Variants in TMEM108 observed in about 807,000 individuals in gnomAD.
The protein encoded by TMEM108 is transmembrane protein 108.
TMEM108 carries 12 observed loss-of-function variants against 35.1 expected under a neutral mutation model. The observed-to-expected ratio is 0.34, with a 90% confidence interval of 0.22 to 0.55. The LOEUF is 0.55. Ranked by LOEUF, TMEM108 falls within the 20% of genes least tolerant of loss-of-function variation. The probability of loss-of-function intolerance (pLI) is 0.89; values close to 1 mark genes in which losing one functional copy is unlikely to be tolerated. For missense variants in TMEM108, 680 were observed against 753.3 expected (o/e 0.90, Z 1.14); for synonymous variants, 287 against 308.6 (o/e 0.93, Z 0.73).
intron 3 of TMEM108, among the ~76,000 whole-genome samples, chr3:133,313,153 A>G (rs532644567): frequency 6.6e-6 from 1 of 152,092 alleles, no homozygotes; most frequent in Non-Finnish European, 1.5e-5. Flanking sequence ...CAGTTTTGAA[A>G]ATACATTTTC....
At chr3:133,345,084 A>G (rs560870579) in intron 3 of TMEM108, among the ~76,000 whole-genome samples, 1 of 151,886 alleles carries the variant, frequency 6.6e-6, no homozygotes, top group Non-Finnish European at 1.5e-5. Flanking sequence ...TATACAGCTC[A>G]TGTAACCGAG....
intron 3 of TMEM108, among the ~76,000 whole-genome samples, chr3:133,311,586 G>A (rs544400401): frequency 1.1e-4 from 17 of 152,170 alleles, no homozygotes; most frequent in Admixed American, 3.3e-4. Flanking sequence ...TCTTCTCTAC[G>A]CTGTTTATTC....
At chr3:133,211,032 C>T (rs370493925) in intron 2 of TMEM108, among the ~76,000 whole-genome samples, 7 of 152,086 alleles carry the variant, frequency 4.6e-5, no homozygotes, top group African/African-American at 1.4e-4. Context: ...GGGAATGAGG[C>T]CCCAGAAAAG....
At chr3:133,107,715 A>C (rs1252502640) in intron 2 of TMEM108, among the ~76,000 whole-genome samples, 1 of 152,146 alleles carries the variant, frequency 6.6e-6, no homozygotes, top group Non-Finnish European at 1.5e-5. Flanking sequence ...ACACATCCTG[A>C]GTCTCTGAGA....
At chr3:133,111,116 A>T (rs1944219061) in intron 2 of TMEM108, among the ~76,000 whole-genome samples, 1 of 152,128 alleles carries the variant, frequency 6.6e-6, no homozygotes, top group South Asian at 2.1e-4. Flanking sequence ...GACAACCAAG[A>T]TTGTGTCTGA....
intron 2 of TMEM108, among the ~76,000 whole-genome samples, chr3:133,207,691 A>G (rs887779722): frequency 2.0e-5 from 3 of 152,162 alleles, no homozygotes; most frequent in African/African-American, 7.2e-5. Flanking sequence ...ATTCATTGCA[A>G]TTAAATTGTT....
chr3:133,341,454 C>G (rs1418254101), intron 3 of TMEM108, among the ~76,000 whole-genome samples: 3 of 151,650 alleles, frequency 2.0e-5, no homozygotes, highest in Non-Finnish European at 4.4e-5. Flanking sequence ...TGTTAAAATG[C>G]CCTTACTACC....
At chr3:133,347,185 T>C (rs72980009) in intron 3 of TMEM108, among the ~76,000 whole-genome samples, 23 of 152,244 alleles carry the variant, frequency 1.5e-4, no homozygotes, top group African/African-American at 4.8e-4. Flanking sequence ...TGCTTTGGGA[T>C]TTTTATTGAG....
In TMEM108 at chr3:133,301,864, T is replaced by C. The variant is rs974325669; in HGVS notation, c.40+72513T>C. On this transcript the variant is annotated intron_variant, in intron 3 of 5. Coordinates refer to ENST00000321871, the MANE Select transcript of TMEM108 (RefSeq NM_023943.4). ...CACTCTTCCTTGTTGCCATTTCCTGTCTTGATTTGCATATAGAGTGGGTGC... is the reference window on the plus strand; with the variant it reads ...CACTCTTCCTTGTTGCCATTTCCTGCCTTGATTTGCATATAGAGTGGGTGC... Among the ~76,000 whole-genome samples the C allele has an allele frequency of 2.6e-5, 4 of 152,180 alleles. No homozygotes were observed. The South Asian group carries it at 8.3e-4, about 32-fold the overall frequency.
chr3:133,170,232 A>G (rs1483242408), intron 2 of TMEM108, among the ~76,000 whole-genome samples: 2 of 152,192 alleles, frequency 1.3e-5, no homozygotes, highest in African/African-American at 4.8e-5. Context: ...TTATAGAAAA[A>G]CTAATATTCC....
chr3:133,054,501 A>G (rs181961859), intron 2 of TMEM108, among the ~76,000 whole-genome samples: 2 of 152,340 alleles, frequency 1.3e-5, no homozygotes, highest in African/African-American at 4.8e-5. Flanking sequence ...CTGGGTTTGT[A>G]AGACTCCAGT....
At chr3:133,284,266 A>G (rs967070274) in intron 3 of TMEM108, among the ~76,000 whole-genome samples, 1 of 152,218 alleles carries the variant, frequency 6.6e-6, no homozygotes, top group Admixed American at 6.5e-5. Context: ...AGTCTCTGTC[A>G]GAGAGGTGGA....
intron 1 of TMEM108, among the ~76,000 whole-genome samples, chr3:133,039,029 C>T (rs1030440680): frequency 5.9e-5 from 9 of 152,184 alleles, no homozygotes; most frequent in East Asian, 5.8e-4. Flanking sequence ...GTTTTCACCC[C>T]AGAGTTGCAG....
chr3:133,057,895 G>T (rs190731117), intron 2 of TMEM108, among the ~76,000 whole-genome samples: 34 of 152,266 alleles, frequency 2.2e-4, no homozygotes, highest in Non-Finnish European at 3.5e-4. Context: ...CTGTGTTTGA[G>T]TGAATTTTAG....
chr3:133,300,920 A>G (rs1947213176), intron 3 of TMEM108, among the ~76,000 whole-genome samples: 1 of 145,212 alleles, frequency 6.9e-6, no homozygotes, highest in Non-Finnish European at 1.5e-5. Flanking sequence ...AGAAGGTCTC[A>G]GATGCCACAG....
intron 2 of TMEM108, among the ~76,000 whole-genome samples, chr3:133,164,418 A>G (rs1363612580): frequency 3.9e-5 from 6 of 152,194 alleles, no homozygotes; most frequent in Non-Finnish European, 5.9e-5. Flanking sequence ...TGGACACAGA[A>G]TACCCTGTGT....
At chr3:133,165,583 T>C (rs1945025439) in intron 2 of TMEM108, among the ~76,000 whole-genome samples, 1 of 152,228 alleles carries the variant, frequency 6.6e-6, no homozygotes, top group Non-Finnish European at 1.5e-5. Context: ...CAGTCTGTTT[T>C]GGCACCTTAA....
chr3:133,050,785 A>G (rs1177067849), intron 2 of TMEM108, among the ~76,000 whole-genome samples: 1 of 150,520 alleles, frequency 6.6e-6, no homozygotes, highest in Non-Finnish European at 1.5e-5. Flanking sequence ...AGATTGGCTT[A>G]TTTTACTCAA....
intron 3 of TMEM108, among the ~76,000 whole-genome samples, chr3:133,302,403 T>TTTTCTTTC (rs1410559645): frequency 2.3e-5 from 3 of 132,180 alleles, no homozygotes; most frequent in Non-Finnish European, 3.3e-5. Flanking sequence ...TGAATTTTCT[T>TTTTCTTTC]TTTCTTTCTT....
Sources: gnomAD v4.1 joint callset for allele counts (sites outside exome capture counted in the v4.1 genomes callset) on GRCh38, gnomAD v4.1.1 for gene constraint, MANE v1.5 for transcripts, NCBI Gene and HGNC (gene_info 2026-07-23, HGNC 2026-07-21) for gene names.